Variants in MSRA observed in about 807,000 individuals in gnomAD.
MSRA encodes methionine sulfoxide reductase A, also known as mitochondrial peptide methionine sulfoxide reductase.
Under a neutral mutation model 31.3 loss-of-function variants are expected in MSRA, and 54 were observed. That is an observed-to-expected ratio of 1.73 (90% CI 1.39 to 2.17). MSRA has a LOEUF of 2.17. Among genes scored for constraint, MSRA ranks in the 30% most tolerant of loss-of-function variants. The pLI is 0.00. For synonymous variants in MSRA, 169 were observed against 116.5 expected (o/e 1.45, Z -2.90); for missense variants, 507 against 300.9 (o/e 1.69, Z -5.07).
At chr8:10,132,985 G>A (rs1461859751) in intron 1 of MSRA, among the ~76,000 whole-genome samples, 1 of 152,168 alleles carries the variant, frequency 6.6e-6, no homozygotes, top group Non-Finnish European at 1.5e-5. Flanking sequence ...CTTGTAATAA[G>A]CACCATATGG....
At chr8:10,139,060 G>T (rs1192097344) in intron 1 of MSRA, among the ~76,000 whole-genome samples, 1 of 152,140 alleles carries the variant, frequency 6.6e-6, no homozygotes, top group Non-Finnish European at 1.5e-5. Context: ...TATTTTAAAG[G>T]CTTTCATTAC....
chr8:10,074,959 C>T (rs1228335613), intron 1 of MSRA, among the ~76,000 whole-genome samples: 3 of 152,080 alleles, frequency 2.0e-5, no homozygotes, highest in African/African-American at 7.2e-5. Context: ...ACGCCCGGCA[C>T]CCTGTACTTC....
intron 5 of MSRA, among the ~76,000 whole-genome samples, chr8:10,397,005 G>A (rs922745511): frequency 1.3e-5 from 2 of 152,186 alleles, no homozygotes. Context: ...TTTTACTCCA[G>A]GAACCTGGAT....
chr8:10,294,642 A>G (rs1055553983), intron 3 of MSRA, among the ~76,000 whole-genome samples: 2 of 152,132 alleles, frequency 1.3e-5, no homozygotes, highest in Non-Finnish European at 2.9e-5. Context: ...GCTGACTGCA[A>G]TGTGGCAGTC....
chr8:10,105,434 T>C (rs1252271508), intron 1 of MSRA, among the ~76,000 whole-genome samples: 2 of 152,226 alleles, frequency 1.3e-5, no homozygotes, highest in Non-Finnish European at 1.5e-5. Context: ...ATGTAAACTT[T>C]TGGTCAACTT....
chr8:10,316,571 TCTCC>T (rs1801737698), intron 4 of MSRA, among the ~76,000 whole-genome samples: 1 of 123,696 alleles, frequency 8.1e-6, no homozygotes, highest in Non-Finnish European at 1.7e-5. Flanking sequence ...TCTCTCTCTC[TCTCC>T]TTCCTCCTCC....
intron 2 of MSRA, among the ~76,000 whole-genome samples, chr8:10,224,409 C>CTAT (rs1810809299): frequency 6.6e-6 from 1 of 152,098 alleles, no homozygotes; most frequent in Non-Finnish European, 1.5e-5. Context: ...CTCTTCATAC[C>CTAT]CTTCCCAAAC....
chr8:10,266,051 A>G (rs764294796), intron 3 of MSRA, among the ~76,000 whole-genome samples: 67 of 152,204 alleles, frequency 4.4e-4, no homozygotes, highest in Non-Finnish European at 7.5e-4. Context: ...GCTGCCATCA[A>G]TATTCATGTA....
chr8:10,083,794 G>A (rs905596045), intron 1 of MSRA, among the ~76,000 whole-genome samples: 1 of 151,994 alleles, frequency 6.6e-6, no homozygotes, highest in Non-Finnish European at 1.5e-5. Flanking sequence ...TGGATTAATG[G>A]CGTCTGTATT....
In MSRA at chr8:10,301,626, G is replaced by A. The variant is rs371090925; in HGVS notation, c.424G>A (p.Asp142Asn). The change falls in exon 4 of 6, where the codon GAC (aspartate) becomes AAC (asparagine). Residue 142 changes from aspartate to asparagine, a missense_variant. Physicochemically the swap from Asp to Asn is conservative, Grantham distance 23 (BLOSUM62 1). Coordinates refer to ENST00000317173, the MANE Select transcript of MSRA (RefSeq NM_012331.5). ...GCTCAAGGTCTTCTGGGAGAATCAC[G>A]ACCCGACCCAAGGTAGAGTGATGAG... ...ELLKVFWENHDPTQGMRQGND... is the reference protein window; with the variant it reads ...ELLKVFWENHNPTQGMRQGND... 61 of 1,613,720 alleles carry A rather than the reference G, an allele frequency of 3.8e-5. No individual in the cohort carries two copies. The highest frequency in any genetic ancestry group is 2.7e-4 in the East Asian group (12 of 44,876).
At chr8:10,247,967 A>T (rs914933759) in intron 3 of MSRA, among the ~76,000 whole-genome samples, 22 of 151,682 alleles carry the variant, frequency 1.5e-4, no homozygotes, top group Non-Finnish European at 1.2e-4. Flanking sequence ...GACCAAGGAG[A>T]GGGGTGGGGG....
At chr8:10,321,354 G>A (rs1009758763) in intron 5 of MSRA, among the ~76,000 whole-genome samples, 1 of 152,092 alleles carries the variant, frequency 6.6e-6, no homozygotes, top group South Asian at 2.1e-4. Flanking sequence ...AGACGAGGAG[G>A]CTGTAACTAG....
At chr8:10,393,742 C>A (rs1806913607) in intron 5 of MSRA, among the ~76,000 whole-genome samples, 1 of 152,200 alleles carries the variant, frequency 6.6e-6, no homozygotes, top group African/African-American at 2.4e-5. Flanking sequence ...ATGGAGTCAG[C>A]ACGTGGTTGT....
intron 2 of MSRA, among the ~76,000 whole-genome samples, chr8:10,220,916 A>G (rs912604781): frequency 6.6e-6 from 1 of 152,244 alleles, no homozygotes; most frequent in Admixed American, 6.5e-5. Flanking sequence ...TGATGACACT[A>G]GGAGCAGGAA....
At chr8:10,273,586 A>C (rs760523377) in intron 3 of MSRA, among the ~76,000 whole-genome samples, 2 of 152,208 alleles carry the variant, frequency 1.3e-5, no homozygotes, top group Non-Finnish European at 2.9e-5. Flanking sequence ...TAATATCACA[A>C]TTATCAGTGA....
intron 1 of MSRA, among the ~76,000 whole-genome samples, chr8:10,078,171 A>C (rs1038893940): frequency 6.6e-6 from 1 of 152,212 alleles, no homozygotes; most frequent in Admixed American, 6.5e-5. Flanking sequence ...AGAGGTGAGC[A>C]CTATAAAGAT....
intron 3 of MSRA, among the ~76,000 whole-genome samples, chr8:10,284,907 C>A (rs997962361): frequency 6.6e-6 from 1 of 151,996 alleles, no homozygotes. Context: ...CTATTATTAT[C>A]AAATGATCTC....
At chr8:10,197,139 A>G (rs1791058323) in intron 1 of MSRA, among the ~76,000 whole-genome samples, 1 of 152,176 alleles carries the variant, frequency 6.6e-6, no homozygotes. Flanking sequence ...TGTCATTTAT[A>G]TTCTCAAGAT....
chr8:10,403,562 G>A (rs1216596196), intron 5 of MSRA, among the ~76,000 whole-genome samples: 1 of 152,220 alleles, frequency 6.6e-6, no homozygotes, highest in Non-Finnish European at 1.5e-5. Context: ...CGGCACTGAA[G>A]AGGAAGGCAG....
Sources: allele counts gnomAD v4.1 joint callset (sites outside exome capture counted in the v4.1 genomes callset), GRCh38; gene constraint gnomAD v4.1.1; transcripts MANE v1.5; gene names NCBI Gene and HGNC (gene_info 2026-07-23, HGNC 2026-07-21).